Variants in PARP1 observed in about 807,000 individuals in gnomAD.
PARP1 encodes the protein poly(ADP-ribose) polymerase 1, also known as poly [ADP-ribose] polymerase 1.
In PARP1, 44 loss-of-function variants were observed where a neutral mutation model predicts 118.7. That is an observed-to-expected ratio of 0.37 (90% CI 0.29 to 0.48). The LOEUF is 0.48. PARP1 is among the 20% of genes least tolerant of loss of function. The pLI, the probability that PARP1 is intolerant of heterozygous loss-of-function variation, is 0.99. For missense variants in PARP1, 1,100 were observed against 1,272.4 expected, an observed-to-expected ratio of 0.86 and a Z score of 2.06; for synonymous variants, 492 against 483.2, an observed-to-expected ratio of 1.02 and a Z score of -0.24.
At chr1:226,390,034 C>T (rs376745175) in intron 4 of PARP1, among the ~76,000 whole-genome samples, 1 of 152,140 alleles carries the variant, frequency 6.6e-6, no homozygotes, top group Non-Finnish European at 1.5e-5. Flanking sequence ...AGCATTGTTC[C>T]GAATAGTGAT....
chr1:226,365,041 C>A lies in PARP1; in HGVS notation c.2619G>T (p.Leu873=), dbSNP rs770091324. The A allele has an allele frequency of 2.5e-6, 4 of 1,614,200 alleles. No individual in the cohort carries two copies. Among genetic ancestry groups the A allele is most frequent in the South Asian group, 1.1e-5 (1 of 91,084 alleles). The change falls in exon 19 of 23, where the codon CTG becomes CTT. Residue 873 remains leucine, a synonymous_variant. Transcript: ENST00000366794. ...GSRTTNFAGI[L]SQGLRIAPPE... ...GCGGGGCTATCCGAAGACCCTGGGA[C>A]AGGATCCCAGCAAAGTTGGTGGTCC...
In PARP1 at chr1:226,379,698, GGAAGGTA is replaced by G. The variant is rs1418688663; in HGVS notation, c.1544-64_1544-58del. On this transcript the variant is annotated intron_variant, in intron 10 of 22. Coordinates refer to ENST00000366794, the MANE Select transcript of PARP1 (RefSeq NM_001618.4). ...AGTTAAATGTAACTAAAAAGTAAGG[GGAAGGTA>G]GAAGGCAAATGAGTTGTTCTCATTC... 15 of 1,453,932 alleles carry G rather than the reference GGAAGGTA, an allele frequency of 1.0e-5. No homozygotes were observed. The Admixed American group carries it at 2.4e-4, about 24-fold the overall frequency. 90.1% of individuals were successfully genotyped at this position (1,453,932 alleles called of 1,614,324 possible).
chr1:226,370,825 T>G (rs1403074679), intron 14 of PARP1: 1 of 403,652 alleles, frequency 2.5e-6, no homozygotes, highest in Non-Finnish European at 4.7e-6. Context: ...ATAATTCCCA[T>G]CCAATTCTGA....
At chr1:226,380,371 A>G (rs1233430315) in intron 9 of PARP1, among the ~76,000 whole-genome samples, 2 of 152,330 alleles carry the variant, frequency 1.3e-5, no homozygotes, top group East Asian at 3.9e-4. Context: ...AGCCTTCTCC[A>G]AACCATTCTA....
rs139399785 is a variant in PARP1, at chr1:226,380,111, G to A, written c.1354C>T (p.Arg452Ter). The A allele has an allele frequency of 2.5e-6, 4 of 1,614,066 alleles. No homozygotes were observed. Among genetic ancestry groups the A allele is most frequent in the South Asian group, 1.1e-5 (1 of 91,080 alleles). ...KMEEVKEANIRVVSEDFLQDV... is the reference protein window; with the variant it reads ...KMEEVKEANI The stretch of plus-strand genomic sequence containing the variant: ...TGGAGGAAGTCCTCAGACACAACTC[G>A]GATGTTGGCTTCCTTTACTTCCTCC... The change falls in exon 10 of 23, where the codon CGA becomes TGA. Residue 452 changes from arginine to a stop codon, truncating the protein, a stop_gained. Coordinates refer to ENST00000366794, the MANE Select transcript of PARP1 (RefSeq NM_001618.4). LOFTEE classifies it high-confidence loss of function.
chr1:226,398,641 A>G (rs1334062502), intron 2 of PARP1, among the ~76,000 whole-genome samples: 1 of 152,206 alleles, frequency 6.6e-6, no homozygotes. Context: ...GTATTAGGGA[A>G]ATGCAAATTA....
intron 22 of PARP1, 189 bp from the exon 23 acceptor site, chr1:226,361,730 A>G: frequency 1.5e-6 from 1 of 675,276 alleles, no homozygotes; most frequent in Non-Finnish European, 2.7e-6. Context: ...AAGTTACTCT[A>G]AGTCTTCTTC....
At chr1:226,361,752 G>T (rs1664143573) in intron 22 of PARP1, 3 of 665,756 alleles carry the variant, frequency 4.5e-6, no homozygotes, top group Non-Finnish European at 8.2e-6. Flanking sequence ...GGCAGACTGA[G>T]GAGAGGAGAT....
In PARP1 at chr1:226,376,785, C is replaced by A. The variant is rs748015191; in HGVS notation, c.1941+323G>T. On this transcript the variant is annotated intron_variant, in intron 13 of 22. Transcript: ENST00000366794. ...TCCCACTTGGGAGTGGTGTATAGAT[C>A]CGTCTATGCTGCTGGATTCGGTTTG... Among the ~76,000 whole-genome samples the A allele has an allele frequency of 1.8e-4, 27 of 152,198 alleles. 1 individual carries two copies. Among genetic ancestry groups the A allele is most frequent in the Non-Finnish European group, 1.5e-4 (10 of 68,042 alleles).
rs1000045025 is a variant in PARP1, at chr1:226,400,184, C to G, written c.286+2030G>C. On this transcript the variant is annotated intron_variant, in intron 2 of 22. Coordinates refer to ENST00000366794, the MANE Select transcript of PARP1 (RefSeq NM_001618.4). ...TAGCTGGGCATGGTGGCAGGCACCA[C>G]GCTACTCGGGAGGCTGAGGCAGGAG... Among the ~76,000 whole-genome samples the G allele has an allele frequency of 2.0e-5, 3 of 151,772 alleles. No homozygotes were observed. The South Asian group carries it at 6.3e-4, about 32-fold the overall frequency.
At chr1:226,371,820 G>C (rs780269286) in intron 14 of PARP1, among the ~76,000 whole-genome samples, 7 of 152,262 alleles carry the variant, frequency 4.6e-5, no homozygotes, top group East Asian at 3.9e-4. Flanking sequence ...GTAAAAAAAA[G>C]AAAATACCTA....
chr1:226,397,819 G>C (rs1003877859), intron 2 of PARP1, among the ~76,000 whole-genome samples: 1 of 152,080 alleles, frequency 6.6e-6, no homozygotes, highest in Non-Finnish European at 1.5e-5. Flanking sequence ...AGGATACGTA[G>C]ATCAGTGGGA....
chr1:226,406,335 G>A (rs1558245029), intron 1 of PARP1, among the ~76,000 whole-genome samples: 1 of 152,140 alleles, frequency 6.6e-6, no homozygotes, highest in Non-Finnish European at 1.5e-5. Flanking sequence ...ACAGACCCTG[G>A]GTTAAGAGCT....
chr1:226,371,775 C>T (rs746592757), intron 14 of PARP1, among the ~76,000 whole-genome samples: 2 of 152,114 alleles, frequency 1.3e-5, no homozygotes, highest in South Asian at 2.1e-4. Context: ...CTGAAGGGCG[C>T]GACATTTTCC....
At chr1:226,394,437 T>C in intron 2 of PARP1, among the ~76,000 whole-genome samples, 1 of 152,220 alleles carries the variant, frequency 6.6e-6, no homozygotes, top group East Asian at 1.9e-4. Context: ...TATGTGCAAT[T>C]GAAGCAACCT....
At position 226,390,324 on chromosome 1, in the gene PARP1, G is replaced by T. The variant is rs1416506760; in HGVS notation, c.617+86C>A. On this transcript the variant is annotated intron_variant, in intron 4 of 22. Transcript: ENST00000366794. ...CTGACAGTCAGCGAAGGGAAACAGAGGAGTGGTATGGAACCTGTAGGGCCT... is the reference window on the plus strand; with the variant it reads ...CTGACAGTCAGCGAAGGGAAACAGATGAGTGGTATGGAACCTGTAGGGCCT... 4 of 1,123,764 alleles carry T rather than the reference G, an allele frequency of 3.6e-6. No individual in the cohort carries two copies. In the East Asian group the frequency reaches 7.0e-5, roughly 20 times the overall value. The allele number at this position is 1,123,764 out of a possible 1,614,324, so 69.6% of individuals were successfully genotyped here.
chr1:226,400,692 C>T (rs926295316), intron 2 of PARP1, among the ~76,000 whole-genome samples: 35 of 152,210 alleles, frequency 2.3e-4, no homozygotes, highest in Admixed American at 2.2e-3. Context: ...CCGCCACTTC[C>T]AGATCTAGAG....
chr1:226,371,411 C>A (rs890954507), intron 14 of PARP1, among the ~76,000 whole-genome samples: 3 of 152,184 alleles, frequency 2.0e-5, no homozygotes, highest in East Asian at 1.9e-4. Flanking sequence ...AGAAATGGAA[C>A]TGCTATGGTG....
chr1:226,378,406 T>TAA (rs555462858), intron 12 of PARP1, among the ~76,000 whole-genome samples: 28 of 144,206 alleles, frequency 1.9e-4, no homozygotes, highest in Middle Eastern at 3.6e-3. Flanking sequence ...CTCACCATGT[T>TAA]AAAAAAAAAA....
Sources: gnomAD v4.1 joint callset for allele counts (sites outside exome capture counted in the v4.1 genomes callset) on GRCh38, gnomAD v4.1.1 for gene constraint, MANE v1.5 for transcripts, NCBI Gene and HGNC (gene_info 2026-07-23, HGNC 2026-07-21) for gene names.